Variants in CADPS observed in about 807,000 individuals in gnomAD.
CADPS encodes the protein calcium dependent secretion activator.
In CADPS, 57 loss-of-function variants were observed where a neutral mutation model predicts 167.3. The observed-to-expected ratio is 0.34, with a 90% CI of 0.28 to 0.42. The LOEUF (loss-of-function observed/expected upper bound fraction) is 0.42. Ranked by LOEUF, CADPS falls within the 20% of genes least tolerant of loss-of-function variation. The probability of loss-of-function intolerance (pLI) is 1.00; values close to 1 mark genes in which losing one functional copy is unlikely to be tolerated. For missense variants in CADPS, 1,414 were observed against 1,738.1 expected (o/e 0.81, Z 3.32); for synonymous variants, 676 against 635.3 (o/e 1.06, Z -0.96).
At chr3:62,460,282 C>T (rs1197047319) in intron 26 of CADPS, among the ~76,000 whole-genome samples, 2 of 152,178 alleles carry the variant, frequency 1.3e-5, no homozygotes, top group Non-Finnish European at 2.9e-5. Context: ...CTACTACTAC[C>T]ACAGTTGGTG....
intron 9 of CADPS, among the ~76,000 whole-genome samples, chr3:62,559,312 G>T (rs1212183329): frequency 6.6e-6 from 1 of 152,158 alleles, no homozygotes. Context: ...AGTTGAATCT[G>T]ATTGGTTCTA....
At chr3:62,768,442 A>G (rs1252201135) in intron 1 of CADPS, among the ~76,000 whole-genome samples, 2 of 152,194 alleles carry the variant, frequency 1.3e-5, no homozygotes, top group Non-Finnish European at 2.9e-5. Context: ...ATTGAAATAA[A>G]ATTATGCACA....
intron 12 of CADPS, 102 bp from the exon 13 acceptor site, chr3:62,533,160 A>C: frequency 1.0e-6 from 1 of 958,834 alleles, no homozygotes; most frequent in Non-Finnish European, 1.6e-6. Context: ...AAAAATAGCC[A>C]GAGCTAACAC....
intron 1 of CADPS, among the ~76,000 whole-genome samples, chr3:62,788,317 C>G (rs975947492): frequency 3.9e-5 from 6 of 152,148 alleles, no homozygotes; most frequent in Non-Finnish European, 8.8e-5. Flanking sequence ...TCAATTTCCT[C>G]TAGAGTTCTG....
At chr3:62,861,855 A>G (rs2080861149) in intron 1 of CADPS, among the ~76,000 whole-genome samples, 1 of 152,156 alleles carries the variant, frequency 6.6e-6, no homozygotes, top group East Asian at 1.9e-4. Flanking sequence ...TATGTCCTCA[A>G]ACTTGCTTTG....
At chr3:62,671,436 G>T (rs1003634385) in intron 3 of CADPS, among the ~76,000 whole-genome samples, 14 of 152,126 alleles carry the variant, frequency 9.2e-5, no homozygotes, top group Middle Eastern at 3.2e-3. Flanking sequence ...AAAACCAAGG[G>T]TATAGAGGAA....
chr3:62,441,624 A>G (rs776373880), intron 27 of CADPS, among the ~76,000 whole-genome samples: 2 of 152,214 alleles, frequency 1.3e-5, no homozygotes, highest in Non-Finnish European at 2.9e-5. Context: ...CCCACATGGA[A>G]CTAAACCATT....
intron 3 of CADPS, among the ~76,000 whole-genome samples, chr3:62,693,784 T>TA (rs67971671): frequency 0.018 from 2,562 of 144,510 alleles, 54 homozygotes; most frequent in East Asian, 0.11. Context: ...GACTCCATCT[T>TA]AAAAAAAAAA....
chr3:62,772,112 T>C (rs545398197), intron 1 of CADPS, among the ~76,000 whole-genome samples: 1 of 152,156 alleles, frequency 6.6e-6, no homozygotes, highest in Non-Finnish European at 1.5e-5. Flanking sequence ...TAATAATATA[T>C]AGCATAGTAT....
At chr3:62,605,460 A>G (rs1025261612) in intron 6 of CADPS, among the ~76,000 whole-genome samples, 40 of 152,204 alleles carry the variant, frequency 2.6e-4, no homozygotes, top group African/African-American at 8.9e-4. Context: ...TCATGTCTGT[A>G]AAGTGGTCAC....
chr3:62,850,288 A>G (rs2078293934), intron 1 of CADPS, among the ~76,000 whole-genome samples: 1 of 102,782 alleles, frequency 9.7e-6, no homozygotes, highest in Non-Finnish European at 2.1e-5. Context: ...TTCTGCTCTG[A>G]TTTTAGTTAT....
intron 21 of CADPS, among the ~76,000 whole-genome samples, chr3:62,488,468 TA>T (rs2063167635): frequency 6.7e-6 from 1 of 148,448 alleles, no homozygotes; most frequent in East Asian, 1.9e-4. Flanking sequence ...GCACTGTTTT[TA>T]TTATTTATTT....
At chr3:62,592,120 A>G (rs2086191174) in intron 7 of CADPS, among the ~76,000 whole-genome samples, 1 of 152,072 alleles carries the variant, frequency 6.6e-6, no homozygotes, top group Non-Finnish European at 1.5e-5. Context: ...ATACATCCAC[A>G]CCCCACAGTG....
chr3:62,425,149 T>C (rs1348333455), intron 28 of CADPS, among the ~76,000 whole-genome samples: 1 of 152,194 alleles, frequency 6.6e-6, no homozygotes. Flanking sequence ...TCTTGTAAGA[T>C]ACAAAGTAGG....
chr3:62,627,130 TTGTGTGTGTGTGTG>T (rs10547515), intron 6 of CADPS, among the ~76,000 whole-genome samples: 6 of 148,342 alleles, frequency 4.0e-5, no homozygotes, highest in Admixed American at 2.0e-4. Context: ...TACTTTCCAG[TTGTGTGTGTGTGTG>T]TGTGTGTGTG....
intron 1 of CADPS, among the ~76,000 whole-genome samples, chr3:62,766,934 T>C (rs2087040467): frequency 6.6e-6 from 1 of 152,152 alleles, no homozygotes; most frequent in Admixed American, 6.5e-5. Flanking sequence ...TGCTATCTTA[T>C]TCATCGAAGT....
intron 13 of CADPS, among the ~76,000 whole-genome samples, chr3:62,526,882 G>A (rs1279092105): frequency 6.6e-6 from 1 of 152,148 alleles, no homozygotes; most frequent in Non-Finnish European, 1.5e-5. Flanking sequence ...CTCTGCAGGT[G>A]GAGCCCAGGC....
chr3:62,611,749 C>G (rs910113553), intron 6 of CADPS, among the ~76,000 whole-genome samples: 1 of 152,196 alleles, frequency 6.6e-6, no homozygotes, highest in Non-Finnish European at 1.5e-5. Flanking sequence ...TACGCACAAT[C>G]TGCTCTTCCC....
intron 1 of CADPS, among the ~76,000 whole-genome samples, chr3:62,777,107 A>G (rs2090488563): frequency 6.6e-6 from 1 of 152,220 alleles, no homozygotes; most frequent in Non-Finnish European, 1.5e-5. Flanking sequence ...GCTCAGATTA[A>G]AATACTAGCA....
Sources: allele counts gnomAD v4.1 joint callset (sites outside exome capture counted in the v4.1 genomes callset), GRCh38; gene constraint gnomAD v4.1.1; transcripts MANE v1.5; gene names NCBI Gene and HGNC (gene_info 2026-07-23, HGNC 2026-07-21).